The following DAB1 variants were observed in gnomAD, a reference collection of about 807,000 sequenced individuals.
DAB1 encodes the protein disabled homolog 1.
DAB1 carries 15 observed loss-of-function variants against 64.6 expected under a neutral mutation model. The ratio of observed to expected loss-of-function variants is 0.23; its 90% CI spans 0.16 to 0.36. DAB1 has a LOEUF of 0.36. Ranked by LOEUF, DAB1 falls within the 10% of genes least tolerant of loss-of-function variation. The probability of loss-of-function intolerance (pLI) is 1.00; values close to 1 mark genes in which losing one functional copy is unlikely to be tolerated. For missense variants in DAB1, 596 were observed against 706.7 expected (o/e 0.84, Z 1.78); for synonymous variants, 235 against 251.9 (o/e 0.93, Z 0.64).
intron 4 of DAB1, among the ~76,000 whole-genome samples, chr1:58,261,210 A>C (rs1277567282): frequency 6.6e-6 from 1 of 152,202 alleles, no homozygotes; most frequent in Non-Finnish European, 1.5e-5. Flanking sequence ...GTGAACCCCA[A>C]ATAAATAGCA....
chr1:58,121,917 T>C (rs1652762892), intron 5 of DAB1, among the ~76,000 whole-genome samples: 1 of 152,198 alleles, frequency 6.6e-6, no homozygotes, highest in African/African-American at 2.4e-5. Context: ...AGTTAGAACA[T>C]GCAGAACTAT....
At chr1:58,378,246 G>A (rs1644349084) in intron 3 of DAB1, among the ~76,000 whole-genome samples, 1 of 119,590 alleles carries the variant, frequency 8.4e-6, no homozygotes, top group Non-Finnish European at 1.9e-5. Context: ...TTTGGAGGAG[G>A]AGAGGTGCTC....
intron 11 of DAB1, among the ~76,000 whole-genome samples, chr1:57,016,243 T>G (rs547853055): frequency 1.3e-5 from 2 of 152,046 alleles, no homozygotes; most frequent in Non-Finnish European, 2.9e-5. Context: ...AGAGGTATTA[T>G]GCATGATTTC....
At chr1:57,262,873 C>T (rs1397430618) in intron 2 of DAB1, among the ~76,000 whole-genome samples, 2 of 152,136 alleles carry the variant, frequency 1.3e-5, no homozygotes, top group Non-Finnish European at 2.9e-5. Context: ...TAAGTGAAAA[C>T]CCACCTCTCA....
intron 6 of DAB1, among the ~76,000 whole-genome samples, chr1:57,794,090 A>G (rs1041484532): frequency 2.0e-5 from 3 of 152,184 alleles, no homozygotes; most frequent in African/African-American, 7.2e-5. Flanking sequence ...ACTGTGCCTC[A>G]GAATAATCCT....
intron 6 of DAB1, among the ~76,000 whole-genome samples, chr1:57,675,291 A>G (rs186637036): frequency 6.6e-6 from 1 of 152,366 alleles, no homozygotes; most frequent in Admixed American, 6.5e-5. Context: ...GAATTGTCTA[A>G]GAAAATAAGG....
At chr1:58,383,340 A>G (rs1301203775) in intron 3 of DAB1, among the ~76,000 whole-genome samples, 1 of 152,180 alleles carries the variant, frequency 6.6e-6, no homozygotes, top group East Asian at 1.9e-4. Flanking sequence ...CAAAAGTTCT[A>G]TGTGCCCCCA....
intron 1 of DAB1, among the ~76,000 whole-genome samples, chr1:57,354,921 G>T (rs1432541581): frequency 1.3e-5 from 2 of 152,082 alleles, no homozygotes; most frequent in Admixed American, 1.3e-4. Flanking sequence ...TGCCATGAGA[G>T]AAATGTGTAC....
intron 4 of DAB1, among the ~76,000 whole-genome samples, chr1:58,298,609 T>C (rs1662045767): frequency 6.6e-6 from 1 of 152,246 alleles, no homozygotes; most frequent in Admixed American, 6.5e-5. Context: ...TCTGTAGGTC[T>C]GGATGCAATT....
chr1:57,125,687 T>C (rs1263425613), intron 4 of DAB1, among the ~76,000 whole-genome samples: 3 of 152,184 alleles, frequency 2.0e-5, no homozygotes, highest in Non-Finnish European at 2.9e-5. Flanking sequence ...TAACACATTA[T>C]ACACAAGCTT....
Position 57,294,962 on chromosome 1 carries a change from G to C in DAB1, c.-136-3796C>G, listed in dbSNP as rs145246414. Among the ~76,000 whole-genome samples, 478 of 152,302 alleles carry C rather than the reference G, an allele frequency of 3.1e-3. 2 individuals carry two copies. The highest frequency in any genetic ancestry group is 0.011 in the African/African-American group (466 of 41,564). ...ATGAACCCTGAAAACAGCAAGGCAAGTAAGTTAGACAAAATATGTTGCATA... is the reference window on the plus strand; with the variant it reads ...ATGAACCCTGAAAACAGCAAGGCAACTAAGTTAGACAAAATATGTTGCATA... On this transcript the variant is annotated intron_variant, in intron 1 of 14. Transcript: ENST00000371236.
intron 3 of DAB1, among the ~76,000 whole-genome samples, chr1:58,462,324 C>T (rs937271414): frequency 6.6e-6 from 1 of 151,462 alleles, no homozygotes; most frequent in Non-Finnish European, 1.5e-5. Flanking sequence ...GACGGGGTTT[C>T]ACCTTGTTAG....
chr1:58,046,511 A>G (rs984750963), intron 5 of DAB1, among the ~76,000 whole-genome samples: 1 of 152,156 alleles, frequency 6.6e-6, no homozygotes, highest in Non-Finnish European at 1.5e-5. Context: ...AGGCCCTCTG[A>G]AACTAGGAAG....
chr1:57,147,382 G>A (rs1659247758), intron 2 of DAB1, among the ~76,000 whole-genome samples: 3 of 152,060 alleles, frequency 2.0e-5, no homozygotes, highest in South Asian at 2.1e-4. Flanking sequence ...GAGAAGGAAT[G>A]TCTATGTCTA....
intron 1 of DAB1, among the ~76,000 whole-genome samples, chr1:57,827,919 T>C (rs1363877542): frequency 1.3e-5 from 2 of 152,196 alleles, no homozygotes; most frequent in African/African-American, 4.8e-5. Flanking sequence ...ACTCCAAATA[T>C]GTTGACATGA....
At chr1:57,196,275 T>A (rs761091350) in intron 2 of DAB1, among the ~76,000 whole-genome samples, 1 of 152,212 alleles carries the variant, frequency 6.6e-6, no homozygotes. Context: ...GTACTCTCTG[T>A]TGAAGGTGGA....
At chr1:58,163,652 A>G (rs569835837) in intron 4 of DAB1, among the ~76,000 whole-genome samples, 94 of 152,314 alleles carry the variant, frequency 6.2e-4, no homozygotes, top group African/African-American at 2.2e-3. Flanking sequence ...CCTAAAGACC[A>G]CAACTTTTCT....
intron 1 of DAB1, among the ~76,000 whole-genome samples, chr1:57,422,434 A>G (rs1448833920): frequency 6.6e-6 from 1 of 152,132 alleles, no homozygotes; most frequent in Non-Finnish European, 1.5e-5. Flanking sequence ...CGCAAGCCCT[A>G]CATCGCCCCT....
At chr1:58,500,230 TG>T (rs1335122929) in intron 3 of DAB1, among the ~76,000 whole-genome samples, 4 of 152,190 alleles carry the variant, frequency 2.6e-5, no homozygotes, top group African/African-American at 9.6e-5. Flanking sequence ...TCAGGCTTCC[TG>T]GCTTTATATG....
Sources: allele counts gnomAD v4.1 joint callset (sites outside exome capture counted in the v4.1 genomes callset), GRCh38; gene constraint gnomAD v4.1.1; transcripts MANE v1.5; gene names NCBI Gene and HGNC (gene_info 2026-07-23, HGNC 2026-07-21).